Variants in MYO7A observed in about 807,000 individuals in gnomAD.
The protein encoded by MYO7A is myosin VIIA, also known as unconventional myosin-VIIa.
A neutral mutation model predicts 263.8 loss-of-function variants in MYO7A; 210 were observed. The ratio of observed to expected loss-of-function variants is 0.80; its 90% CI spans 0.71 to 0.89. MYO7A has a LOEUF of 0.89. Ranked by LOEUF, MYO7A falls within the 40% of genes least tolerant of loss-of-function variation. The pLI is 0.00. For synonymous variants in MYO7A, 1,239 were observed against 1,197.3 expected (o/e 1.03, Z -0.72); for missense variants, 2,820 against 2,968.3 (o/e 0.95, Z 1.16).
chr11:77,148,716 A>G (rs1314428594), intron 4 of MYO7A, among the ~76,000 whole-genome samples: 1 of 152,254 alleles, frequency 6.6e-6, no homozygotes, highest in Non-Finnish European at 1.5e-5. Context: ...AAGCTGGGAC[A>G]TTTAGAAACG....
intron 3 of MYO7A, among the ~76,000 whole-genome samples, chr11:77,144,596 A>C (rs2135659305): frequency 3.4e-5 from 5 of 147,288 alleles, no homozygotes; most frequent in African/African-American, 5.1e-5. Flanking sequence ...AGCCTTTCCC[A>C]CCCCCATTCC....
chr11:77,160,409 G>A, intron 11 of MYO7A, 127 bp downstream of exon 11: 1 of 1,343,812 alleles, frequency 7.4e-7, no homozygotes, highest in Non-Finnish European at 1.0e-6. Flanking sequence ...CTGCCCCGGG[G>A]CTGCAGTCGG....
intron 30 of MYO7A, among the ~76,000 whole-genome samples, chr11:77,191,635 G>A (rs1956081160): frequency 6.6e-6 from 1 of 152,220 alleles, no homozygotes; most frequent in Non-Finnish European, 1.5e-5. Flanking sequence ...CCTCGGCTGA[G>A]CGGGACCTGG....
At position 77,138,166 on chromosome 11, in the gene MYO7A, C is replaced by T. The variant is rs1329404107; in HGVS notation, c.19-4543C>T. Among the ~76,000 whole-genome samples, 2 of 152,032 alleles carry T rather than the reference C, an allele frequency of 1.3e-5. No homozygotes were observed. Among genetic ancestry groups the T allele is most frequent in the African/African-American group, 4.8e-5 (2 of 41,408 alleles). On this transcript the variant is annotated intron_variant, in intron 2 of 48. Coordinates refer to ENST00000409709, the MANE Select transcript of MYO7A (RefSeq NM_000260.4). The surrounding 1 kb of genome is among the most constrained non-coding windows in gnomAD (Gnocchi z 4.9). ...CGGGGTGGCGCGGGCGCCCCCTCGC[C>T]GTCCCGCCCGCGGGCGTCACCTAAG... is the stretch of plus-strand genomic sequence containing the variant.
intron 38 of MYO7A, 50 bp from the exon 39 acceptor site, chr11:77,204,026 A>G (rs923678203): frequency 6.5e-7 from 1 of 1,537,808 alleles, no homozygotes; most frequent in East Asian, 2.4e-5. Context: ...TCCGGACCCC[A>G]GGCCAGTGCT....
intron 2 of MYO7A, among the ~76,000 whole-genome samples, chr11:77,141,816 G>A (rs1339057500): frequency 6.6e-6 from 1 of 152,172 alleles, no homozygotes; most frequent in Non-Finnish European, 1.5e-5. Context: ...TAGGTTGGTT[G>A]GCTCTGTCAT....
chr11:77,184,566 C>G, intron 26 of MYO7A, 22 bp from the exon 27 acceptor site: 2 of 1,553,076 alleles, frequency 1.3e-6, no homozygotes, highest in Non-Finnish European at 1.7e-6. Context: ...TTTACCTGCC[C>G]TGTCCTCTCC....
intron 4 of MYO7A, among the ~76,000 whole-genome samples, chr11:77,153,805 A>C: frequency 6.6e-6 from 1 of 150,456 alleles, no homozygotes; most frequent in Non-Finnish European, 1.5e-5. Context: ...CCTCCCCTAC[A>C]CCCCTATCTC....
At chr11:77,195,933 C>T (rs1956625846) in intron 32 of MYO7A, among the ~76,000 whole-genome samples, 1 of 152,256 alleles carries the variant, frequency 6.6e-6, no homozygotes, top group Admixed American at 6.5e-5. Context: ...TCTCGGCCTG[C>T]AGATGGCTGT....
intron 4 of MYO7A, among the ~76,000 whole-genome samples, chr11:77,153,009 T>C (rs958705877): frequency 1.6e-4 from 24 of 152,088 alleles, no homozygotes; most frequent in Middle Eastern, 3.2e-3. Flanking sequence ...GCTTGGGGCC[T>C]TGTGGACAGG....
intron 25 of MYO7A, 97 bp downstream of exon 25, chr11:77,182,697 C>A: frequency 1.5e-6 from 2 of 1,339,604 alleles, no homozygotes; most frequent in Non-Finnish European, 1.0e-6. Context: ...AAAAAGGATC[C>A]TATAATTCAT....
intron 38 of MYO7A, 134 bp from the exon 39 acceptor site, chr11:77,203,942 C>G: frequency 4.0e-6 from 4 of 988,844 alleles, no homozygotes; most frequent in Non-Finnish European, 5.9e-6. Flanking sequence ...AGATCATGCC[C>G]ATTTTGTGAG....
chr11:77,179,207 T>G (rs1954942096), intron 20 of MYO7A, 78 bp downstream of exon 20: 1 of 1,314,448 alleles, frequency 7.6e-7, no homozygotes, highest in East Asian at 2.5e-5. Flanking sequence ...GGGACTGGCC[T>G]GCACCCAGGC....
At chr11:77,149,501 A>T (rs1398022097) in intron 4 of MYO7A, among the ~76,000 whole-genome samples, 1 of 152,178 alleles carries the variant, frequency 6.6e-6, no homozygotes, top group East Asian at 1.9e-4. Flanking sequence ...AGGACCATGA[A>T]GGGGTGCTAG....
chr11:77,176,219 G>A (rs940266735), intron 18 of MYO7A, among the ~76,000 whole-genome samples: 2 of 152,222 alleles, frequency 1.3e-5, no homozygotes, highest in Non-Finnish European at 2.9e-5. Context: ...GAGGGAGCCT[G>A]CGGCCTCTTC....
chr11:77,167,016 G>C (rs1953612225), intron 15 of MYO7A, among the ~76,000 whole-genome samples: 1 of 152,256 alleles, frequency 6.6e-6, no homozygotes, highest in African/African-American at 2.4e-5. Context: ...GCCCGGGGCT[G>C]AGGATGGCGG....
In MYO7A at chr11:77,204,239, G is replaced by A. The variant is rs768513428; in HGVS notation, c.5480+10G>A. ...CCGACAACCACATCAGGTGAGCCAG[G>A]CACAGTGGGCGGATGAGGGGCAGAC... On this transcript the variant is annotated intron_variant, in intron 39 of 48. Transcript: ENST00000409709. 9.8e-5 allele frequency: 153 copies of A among 1,564,178 alleles called. No individual in the cohort carries two copies. The highest frequency in any genetic ancestry group is 1.7e-4 in the Middle Eastern group (1 of 6,006).
intron 44 of MYO7A, 30 bp downstream of exon 44, chr11:77,208,833 G>A (rs1478191345): frequency 4.7e-6 from 7 of 1,478,168 alleles, no homozygotes; most frequent in African/African-American, 1.4e-5. Context: ...AGTTGCCTTC[G>A]TGCACAGCTA....
intron 2 of MYO7A, among the ~76,000 whole-genome samples, chr11:77,136,221 G>T (rs1950898710): frequency 6.6e-6 from 1 of 152,030 alleles, no homozygotes; most frequent in Non-Finnish European, 1.5e-5. Flanking sequence ...CCATCCTACT[G>T]CCCTCTGGCC....
Sources: gnomAD v4.1 joint callset for allele counts (sites outside exome capture counted in the v4.1 genomes callset) on GRCh38, gnomAD v4.1.1 for gene constraint, Gnocchi (gnomAD v3.1) non-coding constraint, MANE v1.5 for transcripts, NCBI Gene and HGNC (gene_info 2026-07-23, HGNC 2026-07-21) for gene names.